Variants in PPP1R9A observed in about 807,000 individuals in gnomAD.
The protein encoded by PPP1R9A is protein phosphatase 1 regulatory subunit 9A.
PPP1R9A carries 59 observed loss-of-function variants against 141.9 expected under a neutral mutation model. The observed-to-expected ratio is 0.42, with a 90% CI of 0.34 to 0.52. The LOEUF (loss-of-function observed/expected upper bound fraction) is 0.52. Ranked by LOEUF, PPP1R9A falls within the 20% of genes least tolerant of loss-of-function variation. The pLI, the probability that PPP1R9A is intolerant of heterozygous loss-of-function variation, is 0.10. For synonymous variants in PPP1R9A, 500 were observed against 569.7 expected (o/e 0.88, Z 1.74); for missense variants, 1,444 against 1,611.9 (o/e 0.90, Z 1.78).
At chr7:94,928,160 G>A in intron 2 of PPP1R9A, among the ~76,000 whole-genome samples, 1 of 152,194 alleles carries the variant, frequency 6.6e-6, no homozygotes, top group East Asian at 1.9e-4. Context: ...AATTAATTAG[G>A]TAGAGAAGTG....
rs563920428 is a variant in PPP1R9A, at chr7:95,132,440, G to T, written c.1649+11608G>T. On this transcript the variant is annotated intron_variant, in intron 4 of 19. Coordinates refer to ENST00000433360, the MANE Select transcript of PPP1R9A (RefSeq NM_001166160.2). The stretch of plus-strand genomic sequence containing the variant: ...AAATTTTTCCCTGTCTGAGAAGATC[G>T]TATGGTTTTTGTTTTTAATTATGTT... 3.3e-5 allele frequency among the ~76,000 whole-genome samples: 5 copies of T among 152,220 alleles called. 1 individual carries two copies. Among genetic ancestry groups the T allele is most frequent in the African/African-American group, 1.2e-4 (5 of 41,544 alleles).
intron 7 of PPP1R9A, among the ~76,000 whole-genome samples, chr7:95,221,735 A>G (rs962940987): frequency 3.9e-5 from 6 of 152,060 alleles, no homozygotes; most frequent in Non-Finnish European, 7.4e-5. Context: ...GGGGAAAACC[A>G]TAAAATTCTA....
At chr7:95,206,154 T>C (rs1023794981) in intron 7 of PPP1R9A, among the ~76,000 whole-genome samples, 9 of 152,174 alleles carry the variant, frequency 5.9e-5, no homozygotes, top group African/African-American at 2.2e-4. Context: ...CCCAATGTAT[T>C]CACTTAGAAA....
chr7:94,939,164 CTT>C (rs1159475753), intron 2 of PPP1R9A, among the ~76,000 whole-genome samples: 3 of 152,024 alleles, frequency 2.0e-5, no homozygotes, highest in Non-Finnish European at 4.4e-5. Context: ...AGTTGTATGA[CTT>C]TGTGTAAATG....
intron 12 of PPP1R9A, among the ~76,000 whole-genome samples, chr7:95,264,007 A>G (rs915048400): frequency 1.3e-5 from 2 of 152,206 alleles, no homozygotes; most frequent in African/African-American, 4.8e-5. Flanking sequence ...GACAGAGGTT[A>G]GATAAATTGC....
chr7:95,088,628 G>A (rs1816940612), intron 2 of PPP1R9A, among the ~76,000 whole-genome samples: 3 of 151,944 alleles, frequency 2.0e-5, no homozygotes, highest in Admixed American at 2.0e-4. Flanking sequence ...ACAAAAGTTA[G>A]AGCTGTAGAG....
intron 4 of PPP1R9A, among the ~76,000 whole-genome samples, chr7:95,148,688 CAAAAAA>C (rs80065854): frequency 4.3e-5 from 3 of 69,750 alleles, no homozygotes; most frequent in African/African-American, 1.1e-4. Context: ...TCTAAAAATA[CAAAAAA>C]AAAAAAAAAA....
chr7:95,162,328 A>C (rs1419349776), intron 5 of PPP1R9A, among the ~76,000 whole-genome samples: 1 of 152,298 alleles, frequency 6.6e-6, no homozygotes, highest in Non-Finnish European at 1.5e-5. Flanking sequence ...GATTATACAT[A>C]TATTCAATTT....
rs771517106 is a variant in PPP1R9A at position 95,251,850 on chromosome 7, C to G, written c.2485C>G (p.Gln829Glu). The G allele has an allele frequency of 1.9e-6, 3 of 1,613,836 alleles. No individual in the cohort carries two copies. Among genetic ancestry groups the G allele is most frequent in the Non-Finnish European group, 2.5e-6 (3 of 1,179,870 alleles). The stretch of plus-strand genomic sequence containing the variant: ...TCATCTTGTGGAAGTGCAAGGCCTC[C>G]AAGTGCGGGTAAGTTGTGTTCCCTA... ...KAHLVEVQGL[Q>E]VRIRDLEAEV... is the part of the protein sequence containing the mutation. Residue 829 changes from glutamine to glutamate, a missense_variant, in exon 11 of 20, where the codon CAA becomes GAA. Gln to Glu is a conservative substitution (Grantham distance 29, BLOSUM62 2). Coordinates refer to ENST00000433360, the MANE Select transcript of PPP1R9A (RefSeq NM_001166160.2).
In PPP1R9A at chr7:95,080,729, G is replaced by C. The variant is rs564981016; in HGVS notation, c.1396-30530G>C. ...TTTTAGAGCTTCTCATGTGTCCGCT[G>C]TTTCTCAAAATAATCAATATGCAAA... On this transcript the variant is annotated intron_variant, in intron 2 of 19. Coordinates refer to ENST00000433360, the MANE Select transcript of PPP1R9A (RefSeq NM_001166160.2). 1.5e-4 allele frequency among the ~76,000 whole-genome samples: 23 copies of C among 152,244 alleles called. No homozygotes were observed. In the South Asian group the frequency reaches 3.7e-3, roughly 25 times the overall value.
chr7:95,037,708 C>G (rs952717088), intron 2 of PPP1R9A, among the ~76,000 whole-genome samples: 2 of 151,902 alleles, frequency 1.3e-5, no homozygotes, highest in Admixed American at 1.3e-4. Context: ...TGCGTGCGCG[C>G]GTGTGTGTGT....
rs991865477 is a variant in PPP1R9A, at chr7:94,952,065, G to A, written c.1395+40557G>A. Among the ~76,000 whole-genome samples, 8 of 151,948 alleles carry A rather than the reference G, an allele frequency of 5.3e-5. No individual in the cohort carries two copies. The South Asian group carries it at 6.2e-4, about 12-fold the overall frequency. Reference sequence around the variant, plus strand: ...GGTGGTTTGCTGCACCCATCAACCCGTCACCTACATTAGATATTTCTTCTA... The same window carrying A: ...GGTGGTTTGCTGCACCCATCAACCCATCACCTACATTAGATATTTCTTCTA... On this transcript the variant is annotated intron_variant, in intron 2 of 19. Coordinates refer to ENST00000433360, the MANE Select transcript of PPP1R9A (RefSeq NM_001166160.2).
intron 2 of PPP1R9A, among the ~76,000 whole-genome samples, chr7:94,916,059 T>C (rs955961370): frequency 2.6e-5 from 4 of 152,234 alleles, no homozygotes; most frequent in African/African-American, 9.6e-5. Context: ...ATTGTTGTCA[T>C]GTCTTACTCC....
At position 95,089,983 on chromosome 7, in the gene PPP1R9A, GC is replaced by G. The variant is rs1430527593; in HGVS notation, c.1396-21274del. 9.2e-5 allele frequency among the ~76,000 whole-genome samples: 14 copies of G among 151,942 alleles called. 1 individual carries two copies. The South Asian group carries it at 2.9e-3, about 32-fold the overall frequency. On this transcript the variant is annotated intron_variant, in intron 2 of 19. Coordinates refer to ENST00000433360, the MANE Select transcript of PPP1R9A (RefSeq NM_001166160.2). ...TGAGCAGTAGTTTTCCAGACCCTCA[GC>G]CAAATGTCTGAAAGAAGATAAAGTA...
At chr7:94,993,964 A>C (rs1219480350) in intron 2 of PPP1R9A, among the ~76,000 whole-genome samples, 1 of 152,208 alleles carries the variant, frequency 6.6e-6, no homozygotes, top group East Asian at 1.9e-4. Context: ...GAGGAAAAGA[A>C]ATATCTTTTC....
At chr7:95,084,562 T>C (rs1042637304) in intron 2 of PPP1R9A, among the ~76,000 whole-genome samples, 2 of 152,034 alleles carry the variant, frequency 1.3e-5, no homozygotes. Flanking sequence ...CACTCCCTAA[T>C]ATAAAATCGT....
Position 95,207,507 on chromosome 7 carries a change from A to G in PPP1R9A, c.1956+3777A>G, listed in dbSNP as rs537960370. On this transcript the variant is annotated intron_variant, in intron 7 of 19. Coordinates refer to ENST00000433360, the MANE Select transcript of PPP1R9A (RefSeq NM_001166160.2). The stretch of plus-strand genomic sequence containing the variant: ...AACAATGCAAAAAGGTCCTAAACAA[A>G]ATATTAGCAAACCATATGAAGCAAC... Among the ~76,000 whole-genome samples the G allele has an allele frequency of 2.0e-4, 31 of 152,308 alleles. No homozygotes were observed. In the South Asian group the frequency reaches 6.4e-3, roughly 32 times the overall value.
chr7:95,236,907 T>C (rs567678807), intron 8 of PPP1R9A, among the ~76,000 whole-genome samples: 36 of 151,748 alleles, frequency 2.4e-4, no homozygotes, highest in African/African-American at 8.7e-4. Flanking sequence ...CAATTTTCTT[T>C]TTAACAAAAG....
Position 95,048,344 on chromosome 7 carries a change from G to T in PPP1R9A, c.1396-62915G>T, listed in dbSNP as rs150837605. On this transcript the variant is annotated intron_variant, in intron 2 of 19. Coordinates refer to ENST00000433360, the MANE Select transcript of PPP1R9A (RefSeq NM_001166160.2). ...GGATCAGATCATACTTAGCCTCAAA[G>T]AAGTAATCTGAGAAGTTTGGATATG... is the stretch of plus-strand genomic sequence containing the variant. 7.7e-3 allele frequency among the ~76,000 whole-genome samples: 1,179 copies of T among 152,190 alleles called. 15 individuals are homozygous for T. The highest frequency in any genetic ancestry group is 0.027 in the African/African-American group (1,130 of 41,532).
Sources: allele counts gnomAD v4.1 joint callset (sites outside exome capture counted in the v4.1 genomes callset), GRCh38; gene constraint gnomAD v4.1.1; transcripts MANE v1.5; gene names NCBI Gene and HGNC (gene_info 2026-07-23, HGNC 2026-07-21).